DHX32: variants seen among roughly 807,000 people sequenced by gnomAD.
DHX32 encodes DEAH-box helicase 32 (putative).
A neutral mutation model predicts 70.0 loss-of-function variants in DHX32; 51 were observed. The observed-to-expected ratio is 0.73, with a 90% CI of 0.58 to 0.92. DHX32 has a LOEUF of 0.92. Ranked by LOEUF, DHX32 falls within the 40% of genes least tolerant of loss-of-function variation. DHX32 has a pLI of 0.00. For synonymous variants in DHX32, 310 were observed against 315.3 expected (o/e 0.98, Z 0.18); for missense variants, 762 against 891.8 (o/e 0.85, Z 1.85).
chr10:125,841,649 G>C, intron 7 of DHX32, 94 bp downstream of exon 7: 1 of 1,518,678 alleles, frequency 6.6e-7, no homozygotes. Flanking sequence ...TCTCTGCTCT[G>C]TGCTCCTCAA....
intron 1 of DHX32, among the ~76,000 whole-genome samples, chr10:125,891,026 C>T (rs1944367833): frequency 6.6e-6 from 1 of 152,096 alleles, no homozygotes; most frequent in African/African-American, 2.4e-5. Context: ...ATTAATATAC[C>T]ACTCCCTACA....
intron 1 of DHX32, among the ~76,000 whole-genome samples, chr10:125,874,541 A>T (rs1026351003): frequency 1.3e-5 from 2 of 152,234 alleles, no homozygotes; most frequent in Non-Finnish European, 1.5e-5. Context: ...GATTAAAAAA[A>T]TTTTTTAAAC....
chr10:125,847,607 G>C (rs1194383019), intron 6 of DHX32, among the ~76,000 whole-genome samples: 1 of 152,214 alleles, frequency 6.6e-6, no homozygotes, highest in Non-Finnish European at 1.5e-5. Flanking sequence ...CCAGAGGGTG[G>C]AGAGGATGGT....
chr10:125,871,403 C>T (rs1270181945), intron 1 of DHX32, among the ~76,000 whole-genome samples: 3 of 152,188 alleles, frequency 2.0e-5, no homozygotes, highest in African/African-American at 7.2e-5. Flanking sequence ...TGTTTGCTTA[C>T]GTGCCCAAGT....
Position 125,865,686 on chromosome 10 carries a change from C to T in DHX32, c.476+1304G>A, listed in dbSNP as rs116944488. ...CTGGGACTATAGGCATGCACCATCA[C>T]GCTCACTAATTTTTGTATTTTTTGT... On this transcript the variant is annotated intron_variant, in intron 2 of 10. Coordinates refer to ENST00000284690, the MANE Select transcript of DHX32 (RefSeq NM_018180.3). 3.7e-3 allele frequency among the ~76,000 whole-genome samples: 563 copies of T among 152,242 alleles called. 14 individuals carry two copies. The East Asian group carries it at 0.06, about 16-fold the overall frequency.
chr10:125,860,007 T>G (rs759105820), intron 2 of DHX32, 32 bp from the exon 3 acceptor site: 2 of 1,497,498 alleles, frequency 1.3e-6, no homozygotes, highest in Non-Finnish European at 1.8e-6. Context: ...GTTAGAATAT[T>G]CTTATGCTAA....
At chr10:125,893,666 T>G (rs563328962) in intron 1 of DHX32, among the ~76,000 whole-genome samples, 2 of 149,954 alleles carry the variant, frequency 1.3e-5, no homozygotes, top group South Asian at 4.3e-4. Context: ...AAATAGAAAT[T>G]GATTGTTTTC....
intron 2 of DHX32, among the ~76,000 whole-genome samples, chr10:125,863,833 G>A (rs1162133204): frequency 6.6e-6 from 1 of 152,042 alleles, no homozygotes; most frequent in Non-Finnish European, 1.5e-5. Context: ...TACCTCTTCA[G>A]GAAAATCAAT....
intron 1 of DHX32, among the ~76,000 whole-genome samples, chr10:125,871,862 C>CTTTT (rs367881568): frequency 7.6e-6 from 1 of 131,260 alleles, no homozygotes; most frequent in Non-Finnish European, 1.6e-5. Context: ...TGCTTCTTTT[C>CTTTT]TTTTTTTTTT....
intron 1 of DHX32, among the ~76,000 whole-genome samples, chr10:125,872,735 C>G (rs534381003): frequency 1.3e-5 from 2 of 152,258 alleles, no homozygotes; most frequent in South Asian, 2.1e-4. Flanking sequence ...GCCCTATGCT[C>G]TGTCCCAAAG....
intron 1 of DHX32, among the ~76,000 whole-genome samples, chr10:125,887,904 T>C (rs1342873141): frequency 1.3e-5 from 2 of 152,220 alleles, no homozygotes; most frequent in African/African-American, 4.8e-5. Context: ...GCACCAAGCA[T>C]GGCAATAAGA....
chr10:125,880,942 A>G lies in DHX32; in HGVS notation c.-118T>C. ...TACAAACCCGTATGTTCCAATCTCT[A>G]AGACTTCAGTTCAAGGTTTTAGCAA... On this transcript the variant is annotated 5_prime_UTR_variant, in exon 1 of 11. Transcript: ENST00000284690. 2.4e-6 allele frequency: 3 copies of G among 1,235,188 alleles called. No individual in the cohort carries two copies. The highest frequency in any genetic ancestry group is 2.4e-5 in the Admixed American group (1 of 42,276). The allele number at this position is 1,235,188 out of a possible 1,614,324, so 76.5% of individuals were successfully genotyped here.
chr10:125,871,948 C>G (rs1332396133), intron 1 of DHX32, among the ~76,000 whole-genome samples: 1 of 151,550 alleles, frequency 6.6e-6, no homozygotes, highest in Non-Finnish European at 1.5e-5. Flanking sequence ...CTGCAACCTC[C>G]GCCTCCCGGG....
At chr10:125,850,029 C>T (rs1037568915) in intron 6 of DHX32, among the ~76,000 whole-genome samples, 2 of 151,744 alleles carry the variant, frequency 1.3e-5, no homozygotes, top group African/African-American at 2.4e-5. Flanking sequence ...TACAGTAGCA[C>T]GATCATAGCT....
chr10:125,853,402 GT>G, intron 4 of DHX32: 1 of 411,854 alleles, frequency 2.4e-6, no homozygotes, highest in Non-Finnish European at 4.3e-6. Context: ...GAGATACCTT[GT>G]TTTCATTTTT....
chr10:125,844,095 T>G (rs1854949618), intron 6 of DHX32, among the ~76,000 whole-genome samples: 1 of 152,160 alleles, frequency 6.6e-6, no homozygotes, highest in South Asian at 2.1e-4. Flanking sequence ...AACCATGACC[T>G]TGAGAAATCA....
At chr10:125,849,326 C>T (rs996165227) in intron 6 of DHX32, among the ~76,000 whole-genome samples, 1 of 152,186 alleles carries the variant, frequency 6.6e-6, no homozygotes, top group Non-Finnish European at 1.5e-5. Context: ...GCCTAAAGGG[C>T]TTCAGGAGCC....
chr10:125,839,273 G>T, intron 8 of DHX32, 85 bp from the exon 9 acceptor site: 1 of 1,403,378 alleles, frequency 7.1e-7, no homozygotes, highest in Non-Finnish European at 9.8e-7. Context: ...CCATCTTTAA[G>T]CCCTGTGCTC....
intron 2 of DHX32, among the ~76,000 whole-genome samples, chr10:125,865,019 C>T (rs1202357992): frequency 7.0e-6 from 1 of 143,274 alleles, no homozygotes; most frequent in African/African-American, 2.5e-5. Context: ...CTTATAATAT[C>T]TCATTTTAAA....
Sources: gnomAD v4.1 joint callset for allele counts (sites outside exome capture counted in the v4.1 genomes callset) on GRCh38, gnomAD v4.1.1 for gene constraint, MANE v1.5 for transcripts, NCBI Gene and HGNC (gene_info 2026-07-23, HGNC 2026-07-21) for gene names.